Variants in ACER3 observed in about 807,000 individuals in gnomAD.
ACER3 encodes the protein alkaline ceramidase 3.
ACER3 carries 16 observed loss-of-function variants against 48.9 expected under a neutral mutation model. That is an observed-to-expected ratio of 0.33 (90% confidence interval 0.22 to 0.50). The LOEUF (loss-of-function observed/expected upper bound fraction) is 0.50. ACER3 is among the 20% of genes least tolerant of loss of function. The pLI is 0.98. For synonymous variants in ACER3, 109 were observed against 107.8 expected (o/e 1.01, Z -0.07); for missense variants, 227 against 326.0 (o/e 0.70, Z 2.34).
At chr11:76,915,215 G>T (rs1291348313) in intron 1 of ACER3, among the ~76,000 whole-genome samples, 1 of 150,262 alleles carries the variant, frequency 6.7e-6, no homozygotes, top group Non-Finnish European at 1.5e-5. Flanking sequence ...AAATAAATAA[G>T]TTAAAAAAAA....
chr11:76,881,608 C>T (rs1041832531), intron 1 of ACER3, among the ~76,000 whole-genome samples: 3 of 152,162 alleles, frequency 2.0e-5, no homozygotes, highest in Admixed American at 2.0e-4. Context: ...TATATAGGCT[C>T]ATATCCTACC....
chr11:76,932,409 T>C (rs1406753304), intron 2 of ACER3, among the ~76,000 whole-genome samples: 1 of 152,224 alleles, frequency 6.6e-6, no homozygotes, highest in Non-Finnish European at 1.5e-5. Flanking sequence ...TATGAGAGAC[T>C]TTAATTTCAC....
chr11:76,951,615 C>T (rs1947671652), intron 2 of ACER3, among the ~76,000 whole-genome samples: 1 of 152,184 alleles, frequency 6.6e-6, no homozygotes, highest in Non-Finnish European at 1.5e-5. Flanking sequence ...TATTTCTCCC[C>T]CTTCCTTCTA....
At chr11:76,862,205 T>C (rs566115070) in intron 1 of ACER3, among the ~76,000 whole-genome samples, 1 of 152,044 alleles carries the variant, frequency 6.6e-6, no homozygotes, top group African/African-American at 2.4e-5. Flanking sequence ...CAGGCATCTG[T>C]GCATGGCTTT....
chr11:77,005,994 T>TATATATATACATATATATATATA (rs1272209642), intron 7 of ACER3, among the ~76,000 whole-genome samples: 1 of 82,130 alleles, frequency 1.2e-5, no homozygotes, highest in African/African-American at 4.0e-5. Context: ...TATATATATT[T>TATATATATACATATATATATATA]TTTTTTTTTT....
chr11:76,984,116 T>A (rs1265335829), intron 4 of ACER3, among the ~76,000 whole-genome samples: 3 of 152,132 alleles, frequency 2.0e-5, no homozygotes, highest in Non-Finnish European at 4.4e-5. Flanking sequence ...TGTCTTGCCT[T>A]CTGTGTGCTT....
chr11:76,949,021 C>G (rs1009029386), intron 2 of ACER3, among the ~76,000 whole-genome samples: 1 of 152,142 alleles, frequency 6.6e-6, no homozygotes, highest in East Asian at 1.9e-4. Flanking sequence ...TAGTCTAGGT[C>G]TGATCCCAAA....
chr11:77,014,996 T>G lies in ACER3; in HGVS notation c.498-20T>G. On this transcript the variant is annotated intron_variant, in intron 7 of 10. Coordinates refer to ENST00000532485, the MANE Select transcript of ACER3 (RefSeq NM_018367.7). ...GACTTGAGAAAATTTTATTTTGCTT[T>G]TCTGTTTTCCCCCCCACAGGGTTTA... 6.9e-7 allele frequency: 1 copy of G among 1,442,692 alleles called. No individual in the cohort carries two copies. The highest frequency in any genetic ancestry group is 9.7e-7 in the Non-Finnish European group (1 of 1,028,086). 89.4% of individuals were successfully genotyped at this position (1,442,692 alleles called of 1,614,324 possible). A position where few individuals can be genotyped will look rare whatever the true frequency, so the allele number is the denominator to read the frequency against.
chr11:77,007,162 A>C (rs1272043115), intron 7 of ACER3, among the ~76,000 whole-genome samples: 1 of 151,416 alleles, frequency 6.6e-6, no homozygotes, highest in Non-Finnish European at 1.5e-5. Flanking sequence ...AGGTTGGCTC[A>C]GCTTCTTGAA....
At chr11:76,941,152 C>T (rs1009302913) in intron 2 of ACER3, among the ~76,000 whole-genome samples, 7 of 151,830 alleles carry the variant, frequency 4.6e-5, no homozygotes, top group African/African-American at 1.7e-4. Context: ...TGCTGAATAC[C>T]GTAACAAGAT....
chr11:76,898,113 G>A (rs1208119576), intron 1 of ACER3, among the ~76,000 whole-genome samples: 1 of 151,972 alleles, frequency 6.6e-6, no homozygotes, highest in Non-Finnish European at 1.5e-5. Flanking sequence ...GGTTGTTACT[G>A]CCCTAATTTG....
intron 2 of ACER3, among the ~76,000 whole-genome samples, chr11:76,949,510 G>A (rs1423575216): frequency 1.3e-5 from 2 of 152,042 alleles, no homozygotes; most frequent in Non-Finnish European, 2.9e-5. Flanking sequence ...GACTAAATCA[G>A]TGTGCATGCA....
At chr11:76,971,323 C>T (rs1046968742) in intron 3 of ACER3, among the ~76,000 whole-genome samples, 8 of 151,994 alleles carry the variant, frequency 5.3e-5, no homozygotes, top group African/African-American at 7.2e-5. Context: ...GGGTGGATCA[C>T]GAGGTCAAGA....
chr11:76,925,955 T>A (rs1028524215), intron 1 of ACER3, among the ~76,000 whole-genome samples: 1 of 152,114 alleles, frequency 6.6e-6, no homozygotes, highest in African/African-American at 2.4e-5. Flanking sequence ...TCTACTGGGG[T>A]TTTTTACTAT....
At chr11:76,928,898 G>A (rs968486312) in intron 2 of ACER3, among the ~76,000 whole-genome samples, 8 of 152,316 alleles carry the variant, frequency 5.3e-5, no homozygotes, top group Non-Finnish European at 8.8e-5. Flanking sequence ...GTAGAGTGAT[G>A]CCTCCAGCTT....
chr11:77,003,128 T>G (rs1555020227), intron 7 of ACER3, among the ~76,000 whole-genome samples: 1 of 151,892 alleles, frequency 6.6e-6, no homozygotes. Flanking sequence ...TTTATGAATA[T>G]TTTAACATAA....
intron 3 of ACER3, among the ~76,000 whole-genome samples, chr11:76,965,416 T>C (rs2135084438): frequency 6.6e-6 from 1 of 151,358 alleles, no homozygotes; most frequent in South Asian, 2.1e-4. Flanking sequence ...TTCCCCAATC[T>C]AGCAAGGCAG....
intron 1 of ACER3, among the ~76,000 whole-genome samples, chr11:76,867,483 A>G (rs1945122883): frequency 7.4e-6 from 1 of 134,528 alleles, no homozygotes; most frequent in East Asian, 2.5e-4. Context: ...AAAAAAAAAA[A>G]AAAAAAAAAA....
At chr11:76,876,646 T>G (rs946610931) in intron 1 of ACER3, among the ~76,000 whole-genome samples, 1 of 152,234 alleles carries the variant, frequency 6.6e-6, no homozygotes, top group Non-Finnish European at 1.5e-5. Context: ...TTTCCCAAAG[T>G]GGTTGTACCA....
Sources: gnomAD v4.1 joint callset for allele counts (sites outside exome capture counted in the v4.1 genomes callset) on GRCh38, gnomAD v4.1.1 for gene constraint, MANE v1.5 for transcripts, NCBI Gene and HGNC (gene_info 2026-07-23, HGNC 2026-07-21) for gene names.